The following OOEP variants were observed in gnomAD, a reference collection of about 807,000 sequenced individuals.
The protein encoded by OOEP is oocyte-expressed protein homolog.
Under a neutral mutation model 13.7 loss-of-function variants are expected in OOEP, and 16 were observed. The observed-to-expected ratio is 1.16, with a 90% CI of 0.79 to 1.77. The LOEUF (loss-of-function observed/expected upper bound fraction) is 1.77. Ranked by LOEUF, OOEP falls within the 40% of genes most tolerant of loss-of-function variation. OOEP has a pLI of 0.00. For synonymous variants in OOEP, 89 were observed against 77.1 expected (o/e 1.15, Z -0.81); for missense variants, 195 against 193.1 (o/e 1.01, Z -0.06).
intron 2 of OOEP, among the ~76,000 whole-genome samples, chr6:73,386,091 C>CTTTTTT: frequency 7.4e-6 from 1 of 134,816 alleles, no homozygotes; most frequent in East Asian, 2.2e-4. Context: ...ACATGCTTTT[C>CTTTTTT]TTTTTTTTTT....
At chr6:73,374,470 T>C (rs964545084), upstream of OOEP, among the ~76,000 whole-genome samples, 2 of 152,224 alleles carry the variant, frequency 1.3e-5, no homozygotes, top group Non-Finnish European at 2.9e-5. Flanking sequence ...GTTGCAGAGA[T>C]GGTAAAGAAG....
intron 2 of OOEP, among the ~76,000 whole-genome samples, chr6:73,385,145 G>C (rs899584755): frequency 2.0e-5 from 3 of 151,636 alleles, no homozygotes; most frequent in African/African-American, 7.2e-5. Flanking sequence ...AGGAGATTGA[G>C]ACCATCCTGG....
intron 2 of OOEP, among the ~76,000 whole-genome samples, chr6:73,379,301 G>A (rs549288858): frequency 3.3e-4 from 49 of 150,694 alleles, no homozygotes; most frequent in African/African-American, 1.1e-3. Context: ...TAGGATTATA[G>A]GTGTGAGCCA....
At chr6:73,374,586 GT>G (rs1339678192), upstream of OOEP, among the ~76,000 whole-genome samples, 1 of 152,080 alleles carries the variant, frequency 6.6e-6, no homozygotes, top group Non-Finnish European at 1.5e-5. Flanking sequence ...ATAGTCTGGA[GT>G]TTTTTGTTTT....
At chr6:73,379,786 GC>G (rs1310648482) in intron 2 of OOEP, among the ~76,000 whole-genome samples, 1 of 151,038 alleles carries the variant, frequency 6.6e-6, no homozygotes, top group Non-Finnish European at 1.5e-5. Context: ...TTGCTATGTT[GC>G]CCAACCTGGT....
intron 2 of OOEP, among the ~76,000 whole-genome samples, chr6:73,384,352 C>T (rs1769243121): frequency 6.6e-6 from 1 of 152,094 alleles, no homozygotes; most frequent in Non-Finnish European, 1.5e-5. Flanking sequence ...CTGATGAATC[C>T]AACCAAGTAT....
Position 73,368,740 on chromosome 6 carries a change from A to T in OOEP, c.*44T>A. 1.5e-6 allele frequency: 2 copies of T among 1,354,856 alleles called. No homozygotes were observed. Among genetic ancestry groups the T allele is most frequent in the Non-Finnish European group, 1.1e-6 (1 of 944,612 alleles). The allele number at this position is 1,354,856 out of a possible 1,614,324, so 83.9% of individuals were successfully genotyped here. ...CTTGCTTTTCTTCAACTTTAGCAGC[A>T]AAAGTTAGAAAGTTAAGATGTTCCC... On this transcript the variant is annotated 3_prime_UTR_variant, in exon 3 of 3. Transcript: ENST00000370359.
upstream of OOEP, among the ~76,000 whole-genome samples, chr6:73,371,711 T>C (rs1769058251): frequency 1.3e-5 from 2 of 150,760 alleles, no homozygotes; most frequent in Non-Finnish European, 3.0e-5. Flanking sequence ...GATCACACCA[T>C]TGCACTCCAG....
chr6:73,370,252 T>C (rs1324801209), upstream of OOEP, among the ~76,000 whole-genome samples: 2 of 152,208 alleles, frequency 1.3e-5, no homozygotes, highest in South Asian at 2.1e-4. Context: ...GCTTGTTCAA[T>C]GTGTCAGTTT....
At chr6:73,372,908 CTTT>C (rs371058661), upstream of OOEP, among the ~76,000 whole-genome samples, 6 of 134,518 alleles carry the variant, frequency 4.5e-5, no homozygotes, top group South Asian at 4.8e-4. Context: ...TTTTTCTTTC[CTTT>C]TTTTTTTTTT....
chr6:73,385,749 G>A (rs963345244), intron 2 of OOEP, among the ~76,000 whole-genome samples: 8 of 152,016 alleles, frequency 5.3e-5, no homozygotes, highest in Admixed American at 1.3e-4. Flanking sequence ...CACCACGCCC[G>A]GCTAGTTTTT....
intron 2 of OOEP, among the ~76,000 whole-genome samples, chr6:73,393,636 G>A (rs191030025): frequency 3.9e-4 from 59 of 152,212 alleles, no homozygotes; most frequent in African/African-American, 1.4e-3. Context: ...ACCAGCCCGG[G>A]CAACATAGGG....
At chr6:73,381,794 G>T (rs964298692) in intron 2 of OOEP, among the ~76,000 whole-genome samples, 1 of 152,042 alleles carries the variant, frequency 6.6e-6, no homozygotes, top group Non-Finnish European at 1.5e-5. Flanking sequence ...CAGCCTGGCC[G>T]ACATGGCGAA....
At chr6:73,386,671 G>A (rs1397758584) in intron 2 of OOEP, among the ~76,000 whole-genome samples, 3 of 151,772 alleles carry the variant, frequency 2.0e-5, no homozygotes, top group Admixed American at 2.0e-4. Context: ...AAATTAACTT[G>A]AAAAAGAACT....
chr6:73,393,183 A>C (rs1416606841), intron 2 of OOEP, among the ~76,000 whole-genome samples: 7 of 151,410 alleles, frequency 4.6e-5, no homozygotes, highest in African/African-American at 1.5e-4. Flanking sequence ...CCATTTCGGC[A>C]CTTCGGCTCA....
At chr6:73,389,225 G>T (rs370178154) in intron 2 of OOEP, among the ~76,000 whole-genome samples, 5 of 152,272 alleles carry the variant, frequency 3.3e-5, no homozygotes, top group African/African-American at 1.2e-4. Flanking sequence ...TTGCCGGAGG[G>T]AAATGGCACC....
rs1356404600 is a variant in OOEP at position 73,395,012 on chromosome 6, A to C, written c.-412T>G. The C allele has an allele frequency of 3.1e-6, 5 of 1,614,120 alleles. No homozygotes were observed. In the East Asian group the frequency reaches 6.7e-5, roughly 22 times the overall value. On this transcript the variant is annotated 5_prime_UTR_variant, in exon 1 of 4. Coordinates refer to the OOEP transcript ENST00000370363. ...GAGAGGAGGCCGGCGGAGGAGTTGA[A>C]TCGAACAGGTCCTGAGGGATATAGT... is the stretch of plus-strand genomic sequence containing the variant.
chr6:73,383,155 G>A (rs2150782010), intron 2 of OOEP, among the ~76,000 whole-genome samples: 1 of 152,174 alleles, frequency 6.6e-6, no homozygotes, highest in South Asian at 2.1e-4. Context: ...TGAAGTAGAA[G>A]AAACCATCTA....
intron 2 of OOEP, among the ~76,000 whole-genome samples, chr6:73,389,810 C>T (rs1053042010): frequency 3.9e-5 from 6 of 152,090 alleles, no homozygotes; most frequent in Non-Finnish European, 8.8e-5. Flanking sequence ...CAAACCTGCA[C>T]GTTGTGCACA....
Sources: allele counts gnomAD v4.1 joint callset (sites outside exome capture counted in the v4.1 genomes callset), GRCh38; gene constraint gnomAD v4.1.1; transcripts MANE v1.5; gene names NCBI Gene and HGNC (gene_info 2026-07-23, HGNC 2026-07-21).